STK32C: variants seen among roughly 807,000 people sequenced by gnomAD.
STK32C encodes serine/threonine-protein kinase 32C.
Under a neutral mutation model 56.5 loss-of-function variants are expected in STK32C, and 31 were observed. The ratio of observed to expected loss-of-function variants is 0.55; its 90% CI spans 0.41 to 0.74. The LOEUF is 0.74. STK32C is among the 30% of genes least tolerant of loss of function. The pLI, the probability that STK32C is intolerant of heterozygous loss-of-function variation, is 0.00. For missense variants in STK32C, 544 were observed against 676.9 expected, an observed-to-expected ratio of 0.80 and a Z score of 2.18; for synonymous variants, 309 against 289.4, an observed-to-expected ratio of 1.07 and a Z score of -0.69.
chr10:132,289,472 G>A (rs1363083663), intron 1 of STK32C, among the ~76,000 whole-genome samples: 2 of 152,190 alleles, frequency 1.3e-5, no homozygotes, highest in East Asian at 1.9e-4. Flanking sequence ...ACATAAATGG[G>A]CTAAAGAATT....
At chr10:132,235,388 C>T (rs935321397) in intron 2 of STK32C, among the ~76,000 whole-genome samples, 1 of 147,038 alleles carries the variant, frequency 6.8e-6, no homozygotes, top group Admixed American at 7.0e-5. Flanking sequence ...CCCAGCTTCT[C>T]GGGAGGCTGA....
At chr10:132,253,410 C>G (rs1333553271) in intron 1 of STK32C, among the ~76,000 whole-genome samples, 5 of 141,610 alleles carry the variant, frequency 3.5e-5, no homozygotes, top group African/African-American at 1.4e-4. Context: ...GTCGAGGGAG[C>G]TGGAGGGAGC....
chr10:132,278,663 G>A (rs1481590742), intron 1 of STK32C, among the ~76,000 whole-genome samples: 9 of 151,590 alleles, frequency 5.9e-5, no homozygotes, highest in Non-Finnish European at 1.0e-4. Context: ...CAGGAGGCTG[G>A]GCGGGAGAAT....
chr10:132,294,716 G>A (rs543431549), intron 1 of STK32C, among the ~76,000 whole-genome samples: 1 of 152,096 alleles, frequency 6.6e-6, no homozygotes, highest in Non-Finnish European at 1.5e-5. Flanking sequence ...TCTGATCCAG[G>A]CATGGGTCAG....
chr10:132,228,029 G>A lies in STK32C; in HGVS notation c.418C>T (p.Arg140Trp), dbSNP rs868394381. The change falls in exon 3 of 12, where the codon CGG becomes TGG. Residue 140 changes from arginine to tryptophan, a missense_variant. Arg to Trp is a moderately radical substitution (Grantham distance 101, BLOSUM62 -3). Coordinates refer to ENST00000298630, the MANE Select transcript of STK32C (RefSeq NM_173575.4). ...ATCTCCTGCAGGATCTCCAGCTCCC[G>A]GAAGACGTTGCGGACCTCGTCGCGC... ...IERDEVRNVF[R>W]ELEILQEIEH... 21 of 1,613,804 alleles carry A rather than the reference G, an allele frequency of 1.3e-5. No individual in the cohort carries two copies. The highest frequency in any genetic ancestry group is 4.5e-5 in the East Asian group (2 of 44,892).
rs112650405 is a variant in STK32C at position 132,307,316 on chromosome 10, C to T, written c.262+256G>A. The T allele has an allele frequency of 0.17, 54,098 of 327,384 alleles. 5,476 individuals carry two copies. The highest frequency in any genetic ancestry group is 0.22 in the Non-Finnish European group (39,553 of 181,138). The allele number at this position is 327,384 out of a possible 1,614,324, so 20.3% of individuals were successfully genotyped here. Reference sequence around the variant, plus strand: ...CGCGCAAGCCCGGAGACGCCACAGCCGCGGGGGACCCTCGCCCCGAGGGCC... The same window carrying T: ...CGCGCAAGCCCGGAGACGCCACAGCTGCGGGGGACCCTCGCCCCGAGGGCC... On this transcript the variant is annotated intron_variant, in intron 1 of 11. Transcript: ENST00000298630. This position sits in a 1 kb window ranked among gnomAD's most constrained non-coding sequence, Gnocchi z 4.4.
At position 132,226,931 on chromosome 10, in the gene STK32C, C is replaced by T. The variant is rs754644339; in HGVS notation, c.508G>A (p.Val170Met). The change falls in exon 4 of 12, where the codon GTG becomes ATG. Residue 170 changes from valine (V) to methionine (M), a missense_variant. Coordinates refer to ENST00000298630, the MANE Select transcript of STK32C (RefSeq NM_173575.4). ...FQDEEDMFMV[V>M]DLLLGGDLRY... ...AGGTCCCCGCCCAGTAGCAGGTCCA[C>T]GACCATGAACATGTCCTCCTCGTCC... 4 of 1,613,450 alleles carry T rather than the reference C, an allele frequency of 2.5e-6. No individual in the cohort carries two copies. Among genetic ancestry groups the T allele is most frequent in the Admixed American group, 1.7e-5 (1 of 60,030 alleles).
rs1565091831 is a variant in STK32C, at chr10:132,235,493, T to TCAAAAAAAAAAA, written c.319-7366_319-7365insTTTTTTTTTTTG. On this transcript the variant is annotated intron_variant, in intron 2 of 11. Transcript: ENST00000298630. ...CCTGGCAACAGAGCAAGACTCAGCC[T>TCAAAAAAAAAAA]TAAAAAAAAAAAAAAAAAAAAGGAA... Among the ~76,000 whole-genome samples, 60 of 72,390 alleles carry TCAAAAAAAAAAA rather than the reference T, an allele frequency of 8.3e-4. 13 individuals carry two copies. The highest frequency in any genetic ancestry group is 3.8e-3 in the South Asian group (8 of 2,092). The allele number at this position is 72,390 out of a possible 152,430, so 47.5% of individuals were successfully genotyped here. A position where few individuals can be genotyped will look rare whatever the true frequency, so the allele number is the denominator to read the frequency against.
intron 1 of STK32C, among the ~76,000 whole-genome samples, chr10:132,267,375 G>A (rs1279411384): frequency 6.6e-6 from 1 of 152,272 alleles, no homozygotes; most frequent in Non-Finnish European, 1.5e-5. Flanking sequence ...ACATGTGAAT[G>A]TGCATGTGTG....
rs574339887 is a variant in STK32C at position 132,303,717 on chromosome 10, G to C, written c.262+3855C>G. Among the ~76,000 whole-genome samples, 52 of 152,348 alleles carry C rather than the reference G, an allele frequency of 3.4e-4. 4 individuals carry two copies. Among genetic ancestry groups the C allele is most frequent in the Admixed American group, 3.1e-3 (48 of 15,306 alleles). On this transcript the variant is annotated intron_variant, in intron 1 of 11. Transcript: ENST00000298630. Reference sequence around the variant, plus strand: ...TCATTGATAATCAAAGAAACTCAAAGCATGAGTGCCATCTTTTAATCTCTT... The same window carrying C: ...TCATTGATAATCAAAGAAACTCAAACCATGAGTGCCATCTTTTAATCTCTT...
intron 10 of STK32C, among the ~76,000 whole-genome samples, chr10:132,211,289 G>A (rs1450577671): frequency 6.6e-6 from 1 of 152,172 alleles, no homozygotes; most frequent in Admixed American, 6.5e-5. Context: ...CGACTGAGCC[G>A]CTGGGATCCT....
chr10:132,274,906 G>A (rs2064951792), intron 1 of STK32C, among the ~76,000 whole-genome samples: 1 of 152,172 alleles, frequency 6.6e-6, no homozygotes, highest in Non-Finnish European at 1.5e-5. Flanking sequence ...AATCCACCCT[G>A]TTCTTCCACT....
chr10:132,272,146 G>A (rs1250120430), intron 1 of STK32C, among the ~76,000 whole-genome samples: 3 of 152,238 alleles, frequency 2.0e-5, no homozygotes, highest in Admixed American at 6.5e-5. Flanking sequence ...GCTGTGTGTG[G>A]AGATGAGATC....
rs530771258 is a variant in STK32C at position 132,219,390 on chromosome 10, T to C, written c.1251+3251A>G. 2.6e-5 allele frequency among the ~76,000 whole-genome samples: 4 copies of C among 152,062 alleles called. No homozygotes were observed. In the East Asian group the frequency reaches 7.8e-4, roughly 30 times the overall value. The stretch of plus-strand genomic sequence containing the variant: ...CCTCCCGCTCACAGGTGCCTGGCCT[T>C]ACCTGTTCCCAGCCAGAGCCTCCTG... On this transcript the variant is annotated intron_variant, in intron 10 of 11. Coordinates refer to ENST00000298630, the MANE Select transcript of STK32C (RefSeq NM_173575.4).
At chr10:132,320,370 C>CG (rs2066381923), downstream of STK32C, among the ~76,000 whole-genome samples, 1 of 151,336 alleles carries the variant, frequency 6.6e-6, no homozygotes, top group Admixed American at 6.6e-5. Flanking sequence ...ATCTGCACGG[C>CG]GGTGACTGTG....
chr10:132,331,614 G>C (rs754238635), exon 1 of STK32C: 2 of 1,612,904 alleles, frequency 1.2e-6, no homozygotes, highest in Non-Finnish European at 1.7e-6. Context: ...AGCCCAGCGG[G>C]AAGGACAGGC....
At chr10:132,213,954 T>A (rs2062391575) in intron 10 of STK32C, among the ~76,000 whole-genome samples, 2 of 150,582 alleles carry the variant, frequency 1.3e-5, no homozygotes, top group Admixed American at 1.3e-4. Flanking sequence ...AACAGAAACT[T>A]CTCGAACTGA....
intron 11 of STK32C, 37 bp from the exon 12 acceptor site, chr10:132,208,188 C>T: frequency 1.5e-6 from 2 of 1,303,244 alleles, no homozygotes; most frequent in Middle Eastern, 2.2e-4. Context: ...CGTTATGCCC[C>T]CACCTCCCTG....
At chr10:132,289,076 C>G (rs557470551) in intron 1 of STK32C, among the ~76,000 whole-genome samples, 5 of 152,050 alleles carry the variant, frequency 3.3e-5, no homozygotes, top group Admixed American at 3.3e-4. Context: ...CTACAATAAT[C>G]AAGACAGTGT....
Sources: gnomAD v4.1 joint callset for allele counts (sites outside exome capture counted in the v4.1 genomes callset) on GRCh38, gnomAD v4.1.1 for gene constraint, Gnocchi (gnomAD v3.1) non-coding constraint, MANE v1.5 for transcripts, NCBI Gene and HGNC (gene_info 2026-07-23, HGNC 2026-07-21) for gene names.